Variants in OPCML observed in about 807,000 individuals in gnomAD.
OPCML encodes opioid-binding protein/cell adhesion molecule.
Under a neutral mutation model 37.8 loss-of-function variants are expected in OPCML, and 13 were observed. The ratio of observed to expected loss-of-function variants is 0.34; its 90% CI spans 0.22 to 0.55. The LOEUF (loss-of-function observed/expected upper bound fraction) is 0.55. Among genes scored for constraint, OPCML ranks in the 20% least tolerant of loss-of-function variants. The pLI is 0.91. For synonymous variants in OPCML, 176 were observed against 168.8 expected (o/e 1.04, Z -0.33); for missense variants, 341 against 435.6 (o/e 0.78, Z 1.93).
chr11:133,409,486 T>A (rs7952677), intron 1 of OPCML, among the ~76,000 whole-genome samples: 13,772 of 152,248 alleles, frequency 0.09, 1,826 homozygotes, highest in African/African-American at 0.29. Context: ...AATTTAAGCA[T>A]CATCGACAAA....
chr11:133,351,106 G>C (rs1944127040), intron 1 of OPCML, among the ~76,000 whole-genome samples: 1 of 152,178 alleles, frequency 6.6e-6, no homozygotes, highest in African/African-American at 2.4e-5. Context: ...TTACAAAGCA[G>C]GACCACAAAA....
chr11:132,539,771 G>A (rs1288547589), intron 3 of OPCML, among the ~76,000 whole-genome samples: 1 of 151,952 alleles, frequency 6.6e-6, no homozygotes, highest in Non-Finnish European at 1.5e-5. Context: ...TGATGATAAC[G>A]ACAGTGATGA....
At chr11:132,438,158 C>T (rs1225738081) in intron 4 of OPCML, among the ~76,000 whole-genome samples, 1 of 152,186 alleles carries the variant, frequency 6.6e-6, no homozygotes, top group African/African-American at 2.4e-5. Context: ...TTTATGCCAC[C>T]ATTACAGGTT....
At chr11:132,520,674 A>ATGTGTGTGTG (rs1555144701) in intron 4 of OPCML, among the ~76,000 whole-genome samples, 203 of 128,094 alleles carry the variant, frequency 1.6e-3, no homozygotes, top group Middle Eastern at 8.2e-3. Context: ...CTAAATATAT[A>ATGTGTGTGTG]TGTGTGTGTG....
intron 1 of OPCML, among the ~76,000 whole-genome samples, chr11:133,401,673 A>G (rs932238084): frequency 6.6e-6 from 1 of 152,208 alleles, no homozygotes; most frequent in South Asian, 2.1e-4. Context: ...CACTCCAAAC[A>G]AAACAAAACA....
At chr11:132,675,173 GTGTGTGTGTA>G (rs1159174917) in intron 2 of OPCML, among the ~76,000 whole-genome samples, 8 of 104,152 alleles carry the variant, frequency 7.7e-5, no homozygotes, top group Non-Finnish European at 1.2e-4. Flanking sequence ...GTGTGTGTGT[GTGTGTGTGTA>G]TATATATATA....
chr11:132,507,661 C>A (rs564674676), intron 4 of OPCML, among the ~76,000 whole-genome samples: 24 of 151,240 alleles, frequency 1.6e-4, no homozygotes, highest in Admixed American at 1.1e-3. Flanking sequence ...ACTATAGAGA[C>A]AATTTTTCTC....
chr11:133,488,561 C>T (rs1947582945), intron 1 of OPCML, among the ~76,000 whole-genome samples: 2 of 151,768 alleles, frequency 1.3e-5, no homozygotes, highest in South Asian at 4.2e-4. Context: ...GTGAAAGATA[C>T]CTACAAAATT....
At chr11:133,444,370 T>C (rs112638540) in intron 1 of OPCML, among the ~76,000 whole-genome samples, 80 of 152,194 alleles carry the variant, frequency 5.3e-4, no homozygotes, top group African/African-American at 1.9e-3. Flanking sequence ...TATACAAATA[T>C]TAAGTGAGCA....
At chr11:133,523,764 C>A (rs1170506557) in intron 1 of OPCML, among the ~76,000 whole-genome samples, 2 of 152,192 alleles carry the variant, frequency 1.3e-5, no homozygotes, top group Admixed American at 6.5e-5. Flanking sequence ...TGCTCTGATT[C>A]TTCATGCTAT....
chr11:133,196,926 A>G (rs902871099), intron 1 of OPCML, among the ~76,000 whole-genome samples: 1 of 152,212 alleles, frequency 6.6e-6, no homozygotes, highest in African/African-American at 2.4e-5. Context: ...ACAATTTGAC[A>G]TTACTCAAAG....
chr11:133,039,921 C>T (rs1157415970), intron 1 of OPCML, among the ~76,000 whole-genome samples: 3 of 151,680 alleles, frequency 2.0e-5, no homozygotes, highest in Non-Finnish European at 4.4e-5. Context: ...CCCAGCTACT[C>T]GGGAGGCTGA....
intron 4 of OPCML, among the ~76,000 whole-genome samples, chr11:132,464,516 C>T (rs1384703381): frequency 1.3e-5 from 2 of 152,130 alleles, no homozygotes; most frequent in African/African-American, 4.8e-5. Context: ...TACAAAACAG[C>T]GGCTCTACAA....
chr11:133,140,915 A>ACG lies in OPCML; in HGVS notation c.62-197906_62-197905insCG, dbSNP rs1949790829. On this transcript the variant is annotated intron_variant, in intron 1 of 7. Coordinates refer to ENST00000524381, the MANE Select transcript of OPCML (RefSeq NM_001012393.5). ...GACGAAGACGACGACGACGAAGAAG[A>ACG]AGAAGACGACGACGACGAAGAAGAA... Among the ~76,000 whole-genome samples, 7 of 23,660 alleles carry ACG rather than the reference A, an allele frequency of 3.0e-4. 1 individual carries two copies. Among genetic ancestry groups the ACG allele is most frequent in the Non-Finnish European group, 6.1e-4 (4 of 6,600 alleles). 15.5% of individuals were successfully genotyped at this position (23,660 alleles called of 152,430 possible). A position where few individuals can be genotyped will look rare whatever the true frequency, so the allele number is the denominator to read the frequency against.
At chr11:132,717,040 C>T (rs1193304829) in intron 2 of OPCML, among the ~76,000 whole-genome samples, 1 of 152,064 alleles carries the variant, frequency 6.6e-6, no homozygotes, top group Admixed American at 6.6e-5. Flanking sequence ...CATGGAGATA[C>T]TCTGGACATG....
intron 2 of OPCML, among the ~76,000 whole-genome samples, chr11:132,807,999 T>C (rs1939113313): frequency 6.6e-6 from 1 of 152,042 alleles, no homozygotes; most frequent in Admixed American, 6.6e-5. Flanking sequence ...TTTCTTTCTT[T>C]CAAGAGAGAT....
chr11:132,702,015 G>C (rs1219631353), intron 2 of OPCML, among the ~76,000 whole-genome samples: 1 of 152,138 alleles, frequency 6.6e-6, no homozygotes, highest in East Asian at 1.9e-4. Context: ...TATAGTTTGT[G>C]TTCATCAGGA....
intron 4 of OPCML, among the ~76,000 whole-genome samples, chr11:132,489,010 A>G (rs943441158): frequency 6.6e-5 from 10 of 152,234 alleles, no homozygotes; most frequent in Non-Finnish European, 8.8e-5. Context: ...GAAATGAGGT[A>G]AAAGGTCTTT....
chr11:132,806,226 A>G (rs145593693), intron 2 of OPCML, among the ~76,000 whole-genome samples: 127 of 152,270 alleles, frequency 8.3e-4, no homozygotes, highest in Non-Finnish European at 1.6e-3. Flanking sequence ...CAAACAAAAA[A>G]CCAAATTGCC....
Sources: allele counts gnomAD v4.1 joint callset (sites outside exome capture counted in the v4.1 genomes callset), GRCh38; gene constraint gnomAD v4.1.1; transcripts MANE v1.5; gene names NCBI Gene and HGNC (gene_info 2026-07-23, HGNC 2026-07-21).